Variants in ENTREP2 observed in about 807,000 individuals in gnomAD.
ENTREP2 encodes endosomal transmembrane epsin interactor 2, also known as protein ENTREP2.
the ENTREP2 span, chr15:29,612,864 C>A: frequency 1.3e-5 from 2 of 152,502 alleles, no homozygotes; most frequent in Non-Finnish European, 2.9e-5. Context: ...CTTAAGCCTG[C>A]AGGATGGCAG....
chr15:29,332,599 C>T, the ENTREP2 span, among the ~76,000 whole-genome samples: 1 of 152,152 alleles, frequency 6.6e-6, no homozygotes, highest in Non-Finnish European at 1.5e-5. Flanking sequence ...AAGCCACAGA[C>T]AATAGTGCCC....
chr15:29,144,743 C>CA, the ENTREP2 span, among the ~76,000 whole-genome samples: 34 of 150,032 alleles, frequency 2.3e-4, no homozygotes, highest in East Asian at 7.8e-4. Flanking sequence ...AAAAAACAAA[C>CA]AAAAAAAAAC....
the ENTREP2 span, among the ~76,000 whole-genome samples, chr15:29,224,423 C>T: frequency 9.9e-5 from 15 of 152,192 alleles, no homozygotes; most frequent in Admixed American, 3.3e-4. Context: ...TCGGGCAGCC[C>T]GCTTTTAGTC....
At chr15:29,424,701 A>C in the ENTREP2 span, among the ~76,000 whole-genome samples, 1 of 152,184 alleles carries the variant, frequency 6.6e-6, no homozygotes, top group Admixed American at 6.5e-5. Flanking sequence ...GAGGAGACAC[A>C]CCAGGCAGTG....
the ENTREP2 span, among the ~76,000 whole-genome samples, chr15:29,206,987 G>T: frequency 6.6e-6 from 1 of 152,082 alleles, no homozygotes; most frequent in African/African-American, 2.4e-5. Context: ...ATAAACTCAG[G>T]GCCAACATAG....
At chr15:29,187,463 A>AT in the ENTREP2 span, among the ~76,000 whole-genome samples, 6 of 152,024 alleles carry the variant, frequency 3.9e-5, no homozygotes, top group Non-Finnish European at 7.4e-5. Context: ...TTTAGTAGAG[A>AT]TGAAGTTTCA....
At chr15:29,358,552 A>AGCAATACATGAATTTCATT in the ENTREP2 span, among the ~76,000 whole-genome samples, 2 of 152,208 alleles carry the variant, frequency 1.3e-5, no homozygotes, top group Admixed American at 1.3e-4. Flanking sequence ...CCTGCTTCAT[A>AGCAATACATGAATTTCATT]GCAATACATG....
chr15:29,389,823 G>A, the ENTREP2 span, among the ~76,000 whole-genome samples: 1 of 150,550 alleles, frequency 6.6e-6, no homozygotes, highest in Non-Finnish European at 1.5e-5. Context: ...TTGTTTCTTC[G>A]GGAGTGGGAC....
At chr15:29,302,336 C>T in the ENTREP2 span, among the ~76,000 whole-genome samples, 2 of 152,070 alleles carry the variant, frequency 1.3e-5, no homozygotes, top group East Asian at 3.9e-4. Flanking sequence ...GTATTTGATA[C>T]AAAAAATCCC....
chr15:29,280,878 CT>C, the ENTREP2 span, among the ~76,000 whole-genome samples: 848 of 149,836 alleles, frequency 5.7e-3, 10 homozygotes, highest in African/African-American at 0.02. Context: ...AGAAGCAGTA[CT>C]TTTTTTTTTA....
At chr15:29,465,489 C>T in the ENTREP2 span, among the ~76,000 whole-genome samples, 1 of 152,174 alleles carries the variant, frequency 6.6e-6, no homozygotes, top group Admixed American at 6.5e-5. Context: ...GTGCACTCTG[C>T]AGAGGATTGA....
At chr15:29,220,611 G>A in the ENTREP2 span, among the ~76,000 whole-genome samples, 1 of 152,010 alleles carries the variant, frequency 6.6e-6, no homozygotes. Flanking sequence ...AGGAACGGTG[G>A]GAAACTTACA....
chr15:29,332,908 G>A, the ENTREP2 span, among the ~76,000 whole-genome samples: 246 of 148,040 alleles, frequency 1.7e-3, 1 homozygote, highest in African/African-American at 6.0e-3. Context: ...GCAGTGAGCC[G>A]AGATGGCGCC....
the ENTREP2 span, among the ~76,000 whole-genome samples, chr15:29,381,179 A>G: frequency 0.3 from 43,279 of 145,806 alleles, 6,812 homozygotes; most frequent in African/African-American, 0.41. Flanking sequence ...CTTGTTGGCC[A>G]GGCGCAGTGG....
chr15:29,336,141 CAAAAAAAAAA>C, the ENTREP2 span, among the ~76,000 whole-genome samples: 2 of 77,586 alleles, frequency 2.6e-5, no homozygotes, highest in Non-Finnish European at 4.8e-5. Context: ...GACTCCGTCT[CAAAAAAAAAA>C]AAAAAAAAAA....
the ENTREP2 span, among the ~76,000 whole-genome samples, chr15:29,452,395 C>A: frequency 2.0e-5 from 3 of 152,326 alleles, no homozygotes; most frequent in East Asian, 5.8e-4. Flanking sequence ...CTCCCAGAAG[C>A]CTCTGAAACA....
At chr15:29,247,711 C>A in the ENTREP2 span, among the ~76,000 whole-genome samples, 1 of 149,554 alleles carries the variant, frequency 6.7e-6, no homozygotes, top group Non-Finnish European at 1.5e-5. Context: ...TGCTTAATAG[C>A]AGCCAACTTT....
chr15:29,163,299 C>A, the ENTREP2 span, among the ~76,000 whole-genome samples: 1 of 152,024 alleles, frequency 6.6e-6, no homozygotes, highest in African/African-American at 2.4e-5. Context: ...AGCAATGGAT[C>A]CAACCCAAGA....
chr15:29,131,217 G>GTTAAAA, the ENTREP2 span, among the ~76,000 whole-genome samples: 3,328 of 152,210 alleles, frequency 0.022, 110 homozygotes, highest in African/African-American at 0.077. Flanking sequence ...GAAAATGTGA[G>GTTAAAA]TTAAAATTTT....
Sources: gnomAD v4.1 joint callset for allele counts (sites outside exome capture counted in the v4.1 genomes callset) on GRCh38, gnomAD v4.1.1 for gene constraint, MANE v1.5 for transcripts, NCBI Gene and HGNC (gene_info 2026-07-23, HGNC 2026-07-21) for gene names.